The following CCBE1 variants were observed in gnomAD, a reference collection of about 807,000 sequenced individuals.
CCBE1 encodes collagen and calcium binding EGF domains 1.
In CCBE1, 37 loss-of-function variants were observed where a neutral mutation model predicts 50.0. That is an observed-to-expected ratio of 0.74 (90% CI 0.57 to 0.97). The LOEUF is 0.97. Among genes scored for constraint, CCBE1 ranks in the 50% least tolerant of loss-of-function variants. The pLI, the probability that CCBE1 is intolerant of heterozygous loss-of-function variation, is 0.00. For synonymous variants in CCBE1, 234 were observed against 203.7 expected, an observed-to-expected ratio of 1.15 and a Z score of -1.27; for missense variants, 538 against 523.8, an observed-to-expected ratio of 1.03 and a Z score of -0.26.
At chr18:59,547,061 G>C (rs973759883) in intron 2 of CCBE1, among the ~76,000 whole-genome samples, 1 of 106,848 alleles carries the variant, frequency 9.4e-6, no homozygotes, top group African/African-American at 3.9e-5. Flanking sequence ...GGGGGAGAGA[G>C]GGGGAGAGAG....
chr18:59,475,481 AC>A (rs1457740654), intron 3 of CCBE1, among the ~76,000 whole-genome samples: 3 of 151,676 alleles, frequency 2.0e-5, no homozygotes, highest in African/African-American at 7.3e-5. Context: ...CTTTTTCTTC[AC>A]CCCTTATTCA....
At chr18:59,493,427 A>C (rs1055235999) in intron 2 of CCBE1, among the ~76,000 whole-genome samples, 12 of 152,212 alleles carry the variant, frequency 7.9e-5, no homozygotes, top group Non-Finnish European at 1.6e-4. Context: ...ACCCAATATC[A>C]CAGTAAAAAT....
chr18:59,571,398 G>A lies in CCBE1; in HGVS notation c.213-91160C>T, dbSNP rs935004359. ...AAGGACAGAAAACCAAACACCGCAT[G>A]TTCTCACTCATAGGTGGGAATTGAA... is the stretch of plus-strand genomic sequence containing the variant. On this transcript the variant is annotated intron_variant, in intron 2 of 10. Transcript: ENST00000439986. Among the ~76,000 whole-genome samples the A allele has an allele frequency of 4.1e-4, 59 of 145,240 alleles. 1 individual carries two copies. Among genetic ancestry groups the A allele is most frequent in the Admixed American group, 7.8e-4 (11 of 14,118 alleles).
At chr18:59,653,342 C>T (rs1013115007) in intron 2 of CCBE1, among the ~76,000 whole-genome samples, 2 of 152,222 alleles carry the variant, frequency 1.3e-5, no homozygotes, top group African/African-American at 4.8e-5. Flanking sequence ...CAAAATTGTT[C>T]ATACCCAGGT....
At position 59,439,728 on chromosome 18, in the gene CCBE1, C is replaced by A. The variant is rs1356812667; in HGVS notation, c.864G>T (p.Met288Ile). ...QPGPRGSMGP[M>I]GPSPDLSHIK... is the part of the protein sequence containing the mutation. Reference sequence around the variant, plus strand: ...TGTGGGACAGATCAGGAGATGGTCCCATGGGTCCCATTGAGCCCCGTGGGC... The same window carrying A: ...TGTGGGACAGATCAGGAGATGGTCCAATGGGTCCCATTGAGCCCCGTGGGC... Residue 288 changes from methionine (M) to isoleucine (I), a missense_variant, in exon 8 of 11, where the codon ATG becomes ATT. By Grantham distance (10) the Met-to-Ile change is conservative (BLOSUM62 1). Transcript: ENST00000439986. 1 of 1,614,244 alleles carries A rather than the reference C, an allele frequency of 6.2e-7. No individual in the cohort carries two copies. Among genetic ancestry groups the A allele is most frequent in the Admixed American group, 1.7e-5 (1 of 60,028 alleles).
chr18:59,440,335 C>A (rs77178290), intron 7 of CCBE1, among the ~76,000 whole-genome samples: 1 of 152,214 alleles, frequency 6.6e-6, no homozygotes, highest in Admixed American at 6.5e-5. Context: ...TAATAAAAAT[C>A]TTCCTTATGG....
At chr18:59,696,582 AG>A in intron 2 of CCBE1, 46 bp downstream of exon 2, 1 of 1,611,020 alleles carries the variant, frequency 6.2e-7, no homozygotes, top group Non-Finnish European at 8.5e-7. Context: ...CTCCCCAGCC[AG>A]CCCCGGTGCG....
At chr18:59,629,234 TTTC>T (rs936097945) in intron 2 of CCBE1, among the ~76,000 whole-genome samples, 3 of 152,186 alleles carry the variant, frequency 2.0e-5, no homozygotes, top group African/African-American at 4.8e-5. Flanking sequence ...GCACTGCTAA[TTTC>T]TTCTTCCCAG....
intron 2 of CCBE1, among the ~76,000 whole-genome samples, chr18:59,603,948 T>C (rs1380149584): frequency 1.3e-5 from 2 of 152,242 alleles, no homozygotes; most frequent in African/African-American, 2.4e-5. Context: ...GATGCCTTTG[T>C]AGTGCTGTTG....
chr18:59,610,819 G>C (rs1371163944), intron 2 of CCBE1, among the ~76,000 whole-genome samples: 1 of 152,258 alleles, frequency 6.6e-6, no homozygotes, highest in African/African-American at 2.4e-5. Flanking sequence ...AGCTAGCAAA[G>C]TGGGTTTCAG....
chr18:59,522,993 CAA>C (rs57217059), intron 2 of CCBE1, among the ~76,000 whole-genome samples: 55 of 89,204 alleles, frequency 6.2e-4, no homozygotes, highest in African/African-American at 1.8e-3. Context: ...GACTCTGTTT[CAA>C]AAAAAAAAAA....
chr18:59,442,556 C>G (rs1910482346), intron 7 of CCBE1, among the ~76,000 whole-genome samples: 1 of 151,958 alleles, frequency 6.6e-6, no homozygotes, highest in South Asian at 2.1e-4. Flanking sequence ...AGTGAAACCC[C>G]ATCTCTACTA....
chr18:59,454,100 G>A (rs938081218), intron 6 of CCBE1, among the ~76,000 whole-genome samples: 4 of 152,152 alleles, frequency 2.6e-5, no homozygotes, highest in Non-Finnish European at 5.9e-5. Context: ...TGCTGCACAA[G>A]TTCCTCACCA....
chr18:59,642,434 T>TC (rs1469703583), intron 2 of CCBE1, among the ~76,000 whole-genome samples: 1 of 151,544 alleles, frequency 6.6e-6, no homozygotes, highest in African/African-American at 2.4e-5. Flanking sequence ...AAATCAAACA[T>TC]CCCCCCTCCA....
At chr18:59,631,779 CT>C (rs377296144) in intron 2 of CCBE1, among the ~76,000 whole-genome samples, 2 of 152,284 alleles carry the variant, frequency 1.3e-5, no homozygotes, top group Admixed American at 6.5e-5. Flanking sequence ...GGTGGCAGCT[CT>C]GCATCAGGGA....
chr18:59,639,531 A>T (rs2053957093), intron 2 of CCBE1, among the ~76,000 whole-genome samples: 1 of 152,234 alleles, frequency 6.6e-6, no homozygotes, highest in South Asian at 2.1e-4. Context: ...ACCCATAGCC[A>T]ACATCATACT....
intron 2 of CCBE1, among the ~76,000 whole-genome samples, chr18:59,584,915 A>T (rs1308817612): frequency 6.6e-6 from 1 of 152,162 alleles, no homozygotes; most frequent in African/African-American, 2.4e-5. Flanking sequence ...GAGAGAATCC[A>T]TCCAGAAGAC....
At chr18:59,678,094 T>C (rs2054532071) in intron 2 of CCBE1, among the ~76,000 whole-genome samples, 1 of 152,064 alleles carries the variant, frequency 6.6e-6, no homozygotes, top group African/African-American at 2.4e-5. Flanking sequence ...GCGGGTGCGG[T>C]AGTCGTAAGC....
intron 5 of CCBE1, among the ~76,000 whole-genome samples, chr18:59,461,300 CTTTTTTTT>C (rs11379671): frequency 7.5e-6 from 1 of 133,690 alleles, no homozygotes; most frequent in Non-Finnish European, 1.6e-5. Flanking sequence ...AGTGGAGGCA[CTTTTTTTT>C]TTTTTTTTTT....
Sources: gnomAD v4.1 joint callset for allele counts (sites outside exome capture counted in the v4.1 genomes callset) on GRCh38, gnomAD v4.1.1 for gene constraint, MANE v1.5 for transcripts, NCBI Gene and HGNC (gene_info 2026-07-23, HGNC 2026-07-21) for gene names.